Variants in JPH3 observed in about 807,000 individuals in gnomAD.
JPH3 encodes junctophilin 3, also known as junctophilin-3.
Under a neutral mutation model 59.6 loss-of-function variants are expected in JPH3, and 11 were observed. The ratio of observed to expected loss-of-function variants is 0.18; its 90% CI spans 0.12 to 0.31. The LOEUF is 0.31. Ranked by LOEUF, JPH3 falls within the 10% of genes least tolerant of loss-of-function variation. The probability of loss-of-function intolerance (pLI) is 1.00; values close to 1 mark genes in which losing one functional copy is unlikely to be tolerated. For missense variants in JPH3, 1,202 were observed against 1,105.7 expected, an observed-to-expected ratio of 1.09 and a Z score of -1.24; for synonymous variants, 673 against 483.6, an observed-to-expected ratio of 1.39 and a Z score of -5.14.
intron 2 of JPH3, among the ~76,000 whole-genome samples, chr16:87,653,027 C>G (rs11117292): frequency 0.19 from 29,471 of 152,020 alleles, 3,238 homozygotes; most frequent in East Asian, 0.35. Flanking sequence ...GGCCTGGTTG[C>G]TGAGGAGGGC....
chr16:87,654,855 A>G (rs917259012), intron 2 of JPH3: 2 of 152,216 alleles, frequency 1.3e-5, no homozygotes, highest in Non-Finnish European at 2.9e-5. Flanking sequence ...TCTCACAGGA[A>G]CCAGCGACCA....
intron 1 of JPH3, among the ~76,000 whole-genome samples, chr16:87,631,630 T>G (rs1040870072): frequency 1.4e-4 from 21 of 152,338 alleles, no homozygotes; most frequent in African/African-American, 4.6e-4. Flanking sequence ...GCTCACACCC[T>G]TCCATTCCAG....
intron 2 of JPH3, among the ~76,000 whole-genome samples, chr16:87,662,849 C>T (rs943375977): frequency 5.3e-5 from 8 of 152,210 alleles, no homozygotes; most frequent in African/African-American, 1.9e-4. Flanking sequence ...CCTGGGATGG[C>T]CCTCCCTACC....
intron 1 of JPH3, among the ~76,000 whole-genome samples, chr16:87,642,233 C>T (rs1464369104): frequency 6.7e-6 from 1 of 148,162 alleles, no homozygotes; most frequent in Admixed American, 6.8e-5. Context: ...GTGGAGGGGG[C>T]CTGGCTAGGG....
At chr16:87,633,831 G>C (rs532387377) in intron 1 of JPH3, among the ~76,000 whole-genome samples, 2 of 152,144 alleles carry the variant, frequency 1.3e-5, no homozygotes, top group African/African-American at 4.8e-5. Flanking sequence ...TGGTAGTAAC[G>C]ATGTAGGGGA....
chr16:87,687,993 C>T (rs960820266), intron 3 of JPH3, among the ~76,000 whole-genome samples: 1 of 152,186 alleles, frequency 6.6e-6, no homozygotes, highest in Non-Finnish European at 1.5e-5. Flanking sequence ...TCTGATGGGG[C>T]CAGGGCTGCC....
chr16:87,648,353 T>G (rs1375864640), intron 2 of JPH3, among the ~76,000 whole-genome samples: 1 of 152,026 alleles, frequency 6.6e-6, no homozygotes, highest in African/African-American at 2.4e-5. Context: ...CACTGGAGCA[T>G]GAGAGCGGCC....
chr16:87,623,400 C>G (rs925082194), intron 1 of JPH3, among the ~76,000 whole-genome samples: 1 of 152,162 alleles, frequency 6.6e-6, no homozygotes. Context: ...CAGGGCAGGA[C>G]CTGGGGTAAC....
chr16:87,632,368 C>T (rs539086418), intron 1 of JPH3, among the ~76,000 whole-genome samples: 27 of 152,350 alleles, frequency 1.8e-4, no homozygotes, highest in African/African-American at 6.0e-4. Flanking sequence ...TTCCTGGGTT[C>T]TGCAGAAGGA....
chr16:87,691,117 G>A (rs1436665522), intron 4 of JPH3, among the ~76,000 whole-genome samples: 1 of 151,064 alleles, frequency 6.6e-6, no homozygotes, highest in African/African-American at 2.4e-5. Flanking sequence ...CTCCAGGGCA[G>A]GCAGCTTGGA....
At chr16:87,675,992 G>T (rs543523587) in intron 2 of JPH3, among the ~76,000 whole-genome samples, 1 of 152,376 alleles carries the variant, frequency 6.6e-6, no homozygotes, top group East Asian at 1.9e-4. Context: ...GGCAGGAGCT[G>T]GGAGGAGGGA....
chr16:87,671,203 C>G (rs1223554133), intron 2 of JPH3, among the ~76,000 whole-genome samples: 2 of 152,190 alleles, frequency 1.3e-5, no homozygotes, highest in Admixed American at 6.5e-5. Context: ...ACAGACACGT[C>G]TCTCTGTTCC....
At chr16:87,656,687 C>G (rs1437348181) in intron 2 of JPH3, among the ~76,000 whole-genome samples, 1 of 152,144 alleles carries the variant, frequency 6.6e-6, no homozygotes, top group Non-Finnish European at 1.5e-5. Flanking sequence ...GGACAGAGGA[C>G]GAGGAGGAAC....
intron 1 of JPH3, among the ~76,000 whole-genome samples, chr16:87,619,727 T>A (rs1196062746): frequency 6.6e-6 from 1 of 152,174 alleles, no homozygotes; most frequent in Non-Finnish European, 1.5e-5. Flanking sequence ...GCGCCGACTG[T>A]GTGCTAGGCA....
At chr16:87,677,241 C>T (rs1288359195) in intron 2 of JPH3, among the ~76,000 whole-genome samples, 3 of 119,664 alleles carry the variant, frequency 2.5e-5, no homozygotes, top group Admixed American at 8.8e-5. Context: ...AAAAAATTAG[C>T]CGGGTGTGGT....
chr16:87,604,191 A>C, intron 1 of JPH3: 1 of 1,408,992 alleles, frequency 7.1e-7, no homozygotes, highest in East Asian at 3.9e-5. Flanking sequence ...CAGTGGCTGC[A>C]TCGTTTTCAC....
chr16:87,621,173 A>AAAG (rs1186628364), intron 1 of JPH3, among the ~76,000 whole-genome samples: 1 of 152,042 alleles, frequency 6.6e-6, no homozygotes, highest in Non-Finnish European at 1.5e-5. Context: ...GGAAAAAGAA[A>AAAG]AAGAAACTGG....
chr16:87,655,313 C>G (rs1384318056), intron 2 of JPH3, among the ~76,000 whole-genome samples: 1 of 152,096 alleles, frequency 6.6e-6, no homozygotes, highest in Non-Finnish European at 1.5e-5. Flanking sequence ...GAGCCTCTGT[C>G]TCCCTGGTTA....
intron 3 of JPH3, among the ~76,000 whole-genome samples, chr16:87,685,964 T>A (rs1024521347): frequency 6.6e-6 from 1 of 152,026 alleles, no homozygotes; most frequent in African/African-American, 2.4e-5. Flanking sequence ...TCAGCCTGGA[T>A]TGGGGTGAGT....
Sources: gnomAD v4.1 joint callset for allele counts (sites outside exome capture counted in the v4.1 genomes callset) on GRCh38, gnomAD v4.1.1 for gene constraint, MANE v1.5 for transcripts, NCBI Gene and HGNC (gene_info 2026-07-23, HGNC 2026-07-21) for gene names.